VDAC2: variants seen among roughly 807,000 people sequenced by gnomAD.
The protein encoded by VDAC2 is non-selective voltage-gated ion channel VDAC2.
Under a neutral mutation model 36.6 loss-of-function variants are expected in VDAC2, and 6 were observed. The ratio of observed to expected loss-of-function variants is 0.16; its 90% CI spans 0.09 to 0.32. VDAC2 has a LOEUF of 0.32. VDAC2 is among the 10% of genes least tolerant of loss of function. The pLI is 1.00. For missense variants in VDAC2, 247 were observed against 346.0 expected (o/e 0.71, Z 2.27); for synonymous variants, 109 against 123.8 (o/e 0.88, Z 0.79).
At chr10:75,215,883 C>T (rs954945414) in intron 4 of VDAC2, among the ~76,000 whole-genome samples, 9 of 151,608 alleles carry the variant, frequency 5.9e-5, no homozygotes, top group Admixed American at 1.3e-4. Flanking sequence ...CACCATGCCC[C>T]GCTAATTTTT....
intron 7 of VDAC2, 188 bp downstream of exon 7, chr10:75,221,158 G>C: frequency 1.7e-6 from 1 of 573,452 alleles, no homozygotes; most frequent in Admixed American, 3.5e-5. Flanking sequence ...GACCTTTGGT[G>C]CTGAGAGAGT....
At chr10:75,225,373 C>G (rs961108458) in intron 8 of VDAC2, among the ~76,000 whole-genome samples, 6 of 152,204 alleles carry the variant, frequency 3.9e-5, no homozygotes, top group African/African-American at 7.2e-5. Flanking sequence ...AGACTCAGAT[C>G]CAAGTGGATT....
In VDAC2 at chr10:75,211,124, C is replaced by T. The variant is rs781772992; in HGVS notation, c.-25-10C>T. ...ACCCCAGCTTACCGCACTTCTTGTC[C>T]CTCCCGCAGATTCCCCTCTTCCCGC... On this transcript the variant is annotated splice_polypyrimidine_tract_variant and intron_variant, in intron 1 of 9. Coordinates refer to ENST00000332211, the MANE Select transcript of VDAC2 (RefSeq NM_001391963.1). 8.1e-6 allele frequency: 13 copies of T among 1,604,510 alleles called. No individual in the cohort carries two copies. Among genetic ancestry groups the T allele is most frequent in the South Asian group, 3.3e-5 (3 of 89,628 alleles).
chr10:75,212,032 A>T (rs1045910188), intron 2 of VDAC2, among the ~76,000 whole-genome samples, 198 bp from the exon 3 acceptor site: 1 of 152,192 alleles, frequency 6.6e-6, no homozygotes, highest in African/African-American at 2.4e-5. Context: ...AATCATGGTT[A>T]TCTGTTTTAG....
intron 2 of VDAC2, 130 bp downstream of exon 2, chr10:75,211,319 C>T (rs967948868): frequency 7.0e-6 from 10 of 1,423,014 alleles, no homozygotes; most frequent in East Asian, 2.6e-5. Flanking sequence ...GTCGCCCCAC[C>T]GTCTGACCAC....
chr10:75,222,542 G>A (rs560594269), intron 8 of VDAC2, 140 bp downstream of exon 8: 144 of 1,223,736 alleles, frequency 1.2e-4, no homozygotes, highest in Middle Eastern at 2.0e-4. Flanking sequence ...TTTGAAATGC[G>A]CTTTTTTGAT....
At chr10:75,230,529 T>C (rs1404308005) in intron 9 of VDAC2, among the ~76,000 whole-genome samples, 1 of 152,324 alleles carries the variant, frequency 6.6e-6, no homozygotes, top group African/African-American at 2.4e-5. Flanking sequence ...CAAATACATA[T>C]TCAGATTTAC....
At chr10:75,222,187 C>A in intron 7 of VDAC2, 65 bp from the exon 8 acceptor site, 3 of 1,464,940 alleles carry the variant, frequency 2.0e-6, no homozygotes, top group Non-Finnish European at 1.9e-6. Context: ...TGCTACAAAT[C>A]AGCCTGTGCC....
rs1841384648 is a variant in VDAC2 at position 75,210,810 on chromosome 10, C to T, written c.-154C>T. 8.6e-6 allele frequency: 2 copies of T among 231,242 alleles called. No individual in the cohort carries two copies. The highest frequency in any genetic ancestry group is 1.7e-5 in the Non-Finnish European group (2 of 118,986). The allele number at this position is 231,242 out of a possible 1,614,324, so 14.3% of individuals were successfully genotyped here. ...TCCTGTCTGGGAGAGGACAGGGTTG[C>T]GGCGGGCGGAACGGTGTCTCCTTCA... On this transcript the variant is annotated 5_prime_UTR_variant, in exon 1 of 10. Transcript: ENST00000332211.
At chr10:75,213,928 G>T in intron 3 of VDAC2, 93 bp from the exon 4 acceptor site, 3 of 1,210,484 alleles carry the variant, frequency 2.5e-6, no homozygotes, top group Non-Finnish European at 3.6e-6. Flanking sequence ...TGAATATGTG[G>T]AATCTTTTTG....
chr10:75,213,121 C>G (rs1841480711), intron 3 of VDAC2, among the ~76,000 whole-genome samples: 1 of 152,154 alleles, frequency 6.6e-6, no homozygotes, highest in Non-Finnish European at 1.5e-5. Flanking sequence ...CTCTGTTGCC[C>G]AGGCTGGAGT....
At chr10:75,229,758 A>G (rs1007750708) in intron 9 of VDAC2, 57 bp downstream of exon 9, 126 of 1,419,304 alleles carry the variant, frequency 8.9e-5, no homozygotes, top group Non-Finnish European at 1.1e-4. Flanking sequence ...TTTAGTTTTC[A>G]TTCTTCAGCT....
chr10:75,211,181 G>C lies in VDAC2; in HGVS notation c.23G>C (p.Cys8Ser), dbSNP rs754239689. Reference sequence around the variant, plus strand: ...GCCATGGCGACCCACGGACAGACTTGCGCGCGTCGTAAGTAAAGCTGGGAT... The same window carrying C: ...GCCATGGCGACCCACGGACAGACTTCCGCGCGTCGTAAGTAAAGCTGGGAT... MATHGQTCARPMCIPPSY... is the reference protein window; with the variant it reads MATHGQTSARPMCIPPSY... Residue 8 changes from cysteine to serine, a missense_variant, in exon 2 of 10, where the codon TGC (cysteine) becomes TCC (serine). Around this residue, in one of 3 missense-constraint regions of VDAC2, gnomAD observed 76 missense variants for 76.9 expected, o/e 0.99. Transcript: ENST00000332211. The C allele has an allele frequency of 1.2e-6, 2 of 1,613,354 alleles. No homozygotes were observed. Among genetic ancestry groups the C allele is most frequent in the East Asian group, 2.2e-5 (1 of 44,806 alleles).
At chr10:75,223,300 C>G (rs1331579870) in intron 8 of VDAC2, among the ~76,000 whole-genome samples, 2 of 152,134 alleles carry the variant, frequency 1.3e-5, no homozygotes, top group Non-Finnish European at 1.5e-5. Flanking sequence ...TCTAATTGCA[C>G]TACAGCAATA....
intron 8 of VDAC2, among the ~76,000 whole-genome samples, chr10:75,227,576 A>ATTTTT (rs1841989654): frequency 7.7e-5 from 7 of 90,764 alleles, no homozygotes; most frequent in African/African-American, 3.2e-4. Flanking sequence ...AAATAATAGG[A>ATTTTT]ATTTTTTTTT....
intron 7 of VDAC2, among the ~76,000 whole-genome samples, chr10:75,221,754 G>T (rs1300725800): frequency 6.6e-6 from 1 of 152,164 alleles, no homozygotes; most frequent in African/African-American, 2.4e-5. Flanking sequence ...GATTATAGGC[G>T]TGAGCCACTG....
At chr10:75,228,293 T>G (rs767322297) in intron 8 of VDAC2, among the ~76,000 whole-genome samples, 1 of 151,916 alleles carries the variant, frequency 6.6e-6, no homozygotes, top group Non-Finnish European at 1.5e-5. Context: ...TTTTTGAGCT[T>G]TGTTGCCTAG....
intron 9 of VDAC2, among the ~76,000 whole-genome samples, chr10:75,230,121 C>T (rs1190259766): frequency 3.9e-5 from 6 of 152,146 alleles, no homozygotes; most frequent in Admixed American, 6.5e-5. Flanking sequence ...TATTTTGAAG[C>T]GTGCTGTGTC....
intron 2 of VDAC2, 52 bp from the exon 3 acceptor site, chr10:75,212,178 T>C: frequency 6.6e-7 from 1 of 1,506,740 alleles, no homozygotes; most frequent in Non-Finnish European, 9.2e-7. Context: ...TGTTCTTGGA[T>C]AGAAGGTGGG....
Sources: gnomAD v4.1 joint callset for allele counts (sites outside exome capture counted in the v4.1 genomes callset) on GRCh38, gnomAD v4.1.1 for gene constraint, gnomAD v4.1.1 regional missense constraint, MANE v1.5 for transcripts, NCBI Gene and HGNC (gene_info 2026-07-23, HGNC 2026-07-21) for gene names.